The following TOMM7 variants were observed in gnomAD, a reference collection of about 807,000 sequenced individuals.
TOMM7 encodes mitochondrial import receptor subunit TOM7 homolog.
In TOMM7, 8 loss-of-function variants were observed where a neutral mutation model predicts 9.5. The ratio of observed to expected loss-of-function variants is 0.84; its 90% CI spans 0.49 to 1.51. The LOEUF (loss-of-function observed/expected upper bound fraction) is 1.51. Ranked by LOEUF, TOMM7 falls within the 40% of genes most tolerant of loss-of-function variation. The pLI, the probability that TOMM7 is intolerant of heterozygous loss-of-function variation, is 0.00. For missense variants in TOMM7, 74 were observed against 63.7 expected (o/e 1.16, Z -0.55); for synonymous variants, 27 against 21.4 (o/e 1.26, Z -0.72).
At chr7:22,817,929 T>G (rs1428283166) in intron 2 of TOMM7, 71 bp downstream of exon 2, 8 of 1,463,662 alleles carry the variant, frequency 5.5e-6, no homozygotes, top group Non-Finnish European at 7.6e-6. Flanking sequence ...ACTATTACTC[T>G]TTTACATCTT....
At chr7:22,820,931 C>T (rs945798519) in intron 1 of TOMM7, among the ~76,000 whole-genome samples, 2 of 151,378 alleles carry the variant, frequency 1.3e-5, no homozygotes, top group Non-Finnish European at 2.9e-5. Context: ...TCAGAGTGTA[C>T]TTTATCTTAT....
chr7:22,821,232 A>C (rs1178295201), intron 1 of TOMM7, among the ~76,000 whole-genome samples: 1 of 151,424 alleles, frequency 6.6e-6, no homozygotes, highest in Admixed American at 6.6e-5. Context: ...TAACACGGTG[A>C]AACCCCGTTT....
intron 2 of TOMM7, among the ~76,000 whole-genome samples, chr7:22,816,382 A>T (rs901846612): frequency 3.9e-5 from 6 of 152,256 alleles, no homozygotes; most frequent in Admixed American, 1.3e-4. Flanking sequence ...TCTCTAAGGA[A>T]ATAACTGGTC....
At chr7:22,821,744 CAAAA>C (rs34310154) in intron 1 of TOMM7, among the ~76,000 whole-genome samples, 1 of 148,768 alleles carries the variant, frequency 6.7e-6, no homozygotes, top group African/African-American at 2.5e-5. Context: ...GCGACTGTCT[CAAAA>C]AGGAAAAAAG....
intron 1 of TOMM7, among the ~76,000 whole-genome samples, chr7:22,820,645 A>G (rs769728896): frequency 2.6e-5 from 4 of 152,216 alleles, no homozygotes; most frequent in Non-Finnish European, 4.4e-5. Context: ...AAGGGGAGCT[A>G]GTCCCAGTGT....
chr7:22,819,586 G>A (rs141222163), intron 1 of TOMM7, among the ~76,000 whole-genome samples: 2,879 of 152,250 alleles, frequency 0.019, 79 homozygotes, highest in African/African-American at 0.067. Context: ...GGTCAGCCTG[G>A]TCTCGAACTC....
At chr7:22,816,039 C>T (rs1377338579) in intron 2 of TOMM7, among the ~76,000 whole-genome samples, 5 of 152,070 alleles carry the variant, frequency 3.3e-5, no homozygotes, top group South Asian at 2.1e-4. Context: ...TATTCTGGGA[C>T]TTAGCATGCA....
At chr7:22,814,411 C>T (rs969582863) in intron 2 of TOMM7, among the ~76,000 whole-genome samples, 4 of 148,700 alleles carry the variant, frequency 2.7e-5, no homozygotes, top group South Asian at 2.1e-4. Flanking sequence ...CCTGGCTACT[C>T]GGGAGGCTGA....
At position 22,822,715 on chromosome 7, in the gene TOMM7, G is replaced by T. The variant is rs770778580; in HGVS notation, c.65C>A (p.Ala22Asp). 1.9e-6 allele frequency: 3 copies of T among 1,614,194 alleles called. No homozygotes were observed. Among genetic ancestry groups the T allele is most frequent in the East Asian group, 4.5e-5 (2 of 44,882 alleles). Residue 22 changes from alanine to aspartate, a missense_variant, in exon 1 of 3, where the codon GCC becomes GAC. Transcript: ENST00000358435. ...LQQLFKGSQF[A>D]IRWGFIPLVI... ...AAGAGGGATAAAGCCCCAGCGAATGGCAAACTGGCTCCCCTTGAAGAGCTG... is the reference window on the plus strand; with the variant it reads ...AAGAGGGATAAAGCCCCAGCGAATGTCAAACTGGCTCCCCTTGAAGAGCTG...
intron 1 of TOMM7, among the ~76,000 whole-genome samples, chr7:22,820,522 A>C (rs892785475): frequency 1.3e-5 from 2 of 152,202 alleles, no homozygotes; most frequent in African/African-American, 4.8e-5. Context: ...AGAAGCAAAA[A>C]ACCAAAGGGA....
Position 22,813,176 on chromosome 7 carries a change from C to G in TOMM7, c.162G>C (p.Trp54Cys), listed in dbSNP as rs1782270406. 1.2e-6 allele frequency: 2 copies of G among 1,612,772 alleles called. No individual in the cohort carries two copies. The highest frequency in any genetic ancestry group is 1.7e-4 in the Middle Eastern group (1 of 6,056). ...MPEPTVLSLLWG is the reference protein window; with the variant it reads ...MPEPTVLSLLCG The stretch of plus-strand genomic sequence containing the variant: ...CAGAAGACCAAATAATCCTTTATCC[C>G]CAAAGTAGGCTAAAATGTTTGTGAA... The change falls in exon 3 of 3, where the codon TGG becomes TGC. Residue 54 changes from tryptophan to cysteine, a missense_variant. Trp to Cys is a radical substitution (Grantham distance 215). Transcript: ENST00000358435.
chr7:22,818,902 A>G (rs1782350728), intron 1 of TOMM7, among the ~76,000 whole-genome samples: 1 of 151,926 alleles, frequency 6.6e-6, no homozygotes, highest in Non-Finnish European at 1.5e-5. Context: ...GTGAACCACC[A>G]TGCCTGGAGG....
At chr7:22,818,360 C>A in intron 1 of TOMM7, 1 of 204,250 alleles carries the variant, frequency 4.9e-6, no homozygotes, top group South Asian at 8.8e-5. Context: ...CCTCTGTCAC[C>A]TCTGCCTCCC....
chr7:22,820,895 GAGAAAT>G (rs1459240634), intron 1 of TOMM7, among the ~76,000 whole-genome samples: 2 of 152,152 alleles, frequency 1.3e-5, no homozygotes, highest in African/African-American at 4.8e-5. Context: ...GCAACTCATG[GAGAAAT>G]AGAAACCACA....
chr7:22,821,830 A>G (rs1256398748), intron 1 of TOMM7, among the ~76,000 whole-genome samples: 1 of 152,180 alleles, frequency 6.6e-6, no homozygotes, highest in Non-Finnish European at 1.5e-5. Flanking sequence ...ACTGAAAAAT[A>G]TTAACAAATC....
intron 1 of TOMM7, chr7:22,818,255 G>T (rs899763354): frequency 2.0e-6 from 1 of 493,978 alleles, no homozygotes; most frequent in Admixed American, 3.4e-5. Flanking sequence ...CTAATCAGTA[G>T]GAAGAACAAG....
Position 22,822,458 on chromosome 7 carries a change from G to C in TOMM7, c.103+219C>G. ...ACTTTAAGGATGCAAAAATAGAAAA[G>C]GAGGGATTGCAAGACTGCTTAAAGA... On this transcript the variant is annotated intron_variant, in intron 1 of 2. Transcript: ENST00000358435. 5.5e-6 allele frequency: 4 copies of C among 727,930 alleles called. No homozygotes were observed. The South Asian group carries it at 7.6e-5, about 14-fold the overall frequency. The allele number at this position is 727,930 out of a possible 1,614,324, so 45.1% of individuals were successfully genotyped here.
At chr7:22,821,823 G>GA in intron 1 of TOMM7, among the ~76,000 whole-genome samples, 1 of 152,130 alleles carries the variant, frequency 6.6e-6, no homozygotes, top group South Asian at 2.1e-4. Flanking sequence ...AACCCTAACT[G>GA]AAAAATATTA....
At chr7:22,818,836 C>T (rs1399373479) in intron 1 of TOMM7, among the ~76,000 whole-genome samples, 1 of 151,592 alleles carries the variant, frequency 6.6e-6, no homozygotes, top group Non-Finnish European at 1.5e-5. Flanking sequence ...TGGTCTTGAA[C>T]TCCTGGGCTC....
Sources: allele counts gnomAD v4.1 joint callset (sites outside exome capture counted in the v4.1 genomes callset), GRCh38; gene constraint gnomAD v4.1.1; transcripts MANE v1.5; gene names NCBI Gene and HGNC (gene_info 2026-07-23, HGNC 2026-07-21).